The following OS9 variants were observed in gnomAD, a reference collection of about 807,000 sequenced individuals.
OS9 encodes the protein protein OS-9.
OS9 carries 58 observed loss-of-function variants against 84.7 expected under a neutral mutation model. The ratio of observed to expected loss-of-function variants is 0.68; its 90% CI spans 0.55 to 0.85. The LOEUF is 0.85. OS9 is among the 40% of genes least tolerant of loss of function. The pLI is 0.00. For synonymous variants in OS9, 278 were observed against 320.8 expected, an observed-to-expected ratio of 0.87 and a Z score of 1.43; for missense variants, 760 against 850.9, an observed-to-expected ratio of 0.89 and a Z score of 1.33.
rs1459899282 is a variant in OS9 at position 57,715,781 on chromosome 12, G to T, written c.601G>T (p.Gly201Cys). The stretch of plus-strand genomic sequence containing the variant: ...GCAGTTCCTCTGTGACGAGGGTGCA[G>T]GTATCTCTGGGGACTACATCGATCG... ...EVRFLCDEGA[G>C]ISGDYIDRVD... The change falls in exon 6 of 15, where the codon GGT (glycine) becomes TGT (cysteine). Residue 201 changes from glycine (G) to cysteine (C), a missense_variant. Gly to Cys is a radical substitution (Grantham distance 159). Coordinates refer to ENST00000315970, the MANE Select transcript of OS9 (RefSeq NM_006812.4). The T allele has an allele frequency of 6.2e-7, 1 of 1,610,648 alleles. No homozygotes were observed. The highest frequency in any genetic ancestry group is 1.1e-5 in the South Asian group (1 of 90,686).
At chr12:57,697,872 C>CACACACACACAG (rs1953895105) in intron 5 of OS9, among the ~76,000 whole-genome samples, 1 of 145,430 alleles carries the variant, frequency 6.9e-6, no homozygotes, top group South Asian at 2.2e-4. Context: ...AACACACACA[C>CACACACACACAG]ACACACACAC....
intron 5 of OS9, among the ~76,000 whole-genome samples, chr12:57,698,411 G>T (rs1953928712): frequency 6.6e-6 from 1 of 152,194 alleles, no homozygotes; most frequent in Non-Finnish European, 1.5e-5. Flanking sequence ...CATATGCCCT[G>T]TGCCAAGCAC....
chr12:57,702,797 A>C (rs1207689257), intron 5 of OS9, among the ~76,000 whole-genome samples: 2 of 151,972 alleles, frequency 1.3e-5, no homozygotes, highest in Non-Finnish European at 2.9e-5. Context: ...GTGAAGTAGT[A>C]TCTCATAGTG....
Position 57,696,352 on chromosome 12 carries a change from GC to G in OS9, c.562del (p.Arg188GlyfsTer33). 1 of 1,611,898 alleles carries G rather than the reference GC, an allele frequency of 6.2e-7. No homozygotes were observed. The highest frequency in any genetic ancestry group is 8.5e-7 in the Non-Finnish European group (1 of 1,178,814). On this transcript the variant is annotated frameshift_variant, in exon 5 of 15. Coordinates refer to ENST00000315970, the MANE Select transcript of OS9 (RefSeq NM_006812.4). LOFTEE classifies it high-confidence loss of function. ...GGTCCAAGTGCGACCTTAATGGGAG[GC>G]CCCGGGAGGCCGAGGTTCGGGTGAG... Reference protein sequence around the residue: ...NGSKCDLNGRPREAEVRFLCD... With the variant: ...NGSKCDLNGRXREAEVRFLCD...
intron 10 of OS9, 77 bp from the exon 11 acceptor site, chr12:57,718,069 C>A: frequency 1.3e-6 from 2 of 1,533,348 alleles, no homozygotes; most frequent in Non-Finnish European, 1.8e-6. Flanking sequence ...CACACACCTG[C>A]TACTGTTTGT....
Position 57,709,573 on chromosome 12 carries a change from C to A in OS9, c.580-6187C>A, listed in dbSNP as rs565517498. Among the ~76,000 whole-genome samples, 3 of 152,250 alleles carry A rather than the reference C, an allele frequency of 2.0e-5. No homozygotes were observed. In the South Asian group the frequency reaches 6.2e-4, roughly 32 times the overall value. On this transcript the variant is annotated intron_variant, in intron 5 of 14. Coordinates refer to ENST00000315970, the MANE Select transcript of OS9 (RefSeq NM_006812.4). ...TGTATGTTTGCGCTTGAAAGCATGT[C>A]TTTTCTCCAATTAAGCAGTTCAAGA...
At chr12:57,700,113 GA>G (rs1320133194) in intron 5 of OS9, among the ~76,000 whole-genome samples, 1 of 150,974 alleles carries the variant, frequency 6.6e-6, no homozygotes, top group Non-Finnish European at 1.5e-5. Flanking sequence ...AAAAAGAAAA[GA>G]AAAAAAGAAA....
At chr12:57,697,874 C>A (rs1341814488) in intron 5 of OS9, among the ~76,000 whole-genome samples, 1 of 145,606 alleles carries the variant, frequency 6.9e-6, no homozygotes, top group African/African-American at 2.5e-5. Flanking sequence ...CACACACACA[C>A]ACACACACAC....
intron 7 of OS9, 95 bp downstream of exon 7, chr12:57,716,288 G>C: frequency 1.4e-6 from 1 of 730,872 alleles, no homozygotes; most frequent in Non-Finnish European, 2.4e-6. Context: ...GTGGGGGGGG[G>C]TGGAAAAGTA....
Position 57,715,948 on chromosome 12 carries a change from G to C in OS9, c.768G>C (p.Met256Ile). 6.2e-7 allele frequency: 1 copy of C among 1,612,738 alleles called. No homozygotes were observed. Among genetic ancestry groups the C allele is most frequent in the Non-Finnish European group, 8.5e-7 (1 of 1,179,274 alleles). Reference sequence around the variant, plus strand: ...CTTCCCTACAGCCTGAGGAGTACATGGCCTACGTTCAGAGGCAAGCCGGTG... The same window carrying C: ...CTTCCCTACAGCCTGAGGAGTACATCGCCTACGTTCAGAGGCAAGCCGGTG... ...CHPSLQPEEY[M>I]AYVQRQADSK... The change falls in exon 6 of 15, where the codon ATG (methionine) becomes ATC (isoleucine). Residue 256 changes from methionine to isoleucine, a missense_variant. By Grantham distance (10) the Met-to-Ile change is conservative. Coordinates refer to ENST00000315970, the MANE Select transcript of OS9 (RefSeq NM_006812.4).
At chr12:57,697,520 G>A (rs146725826) in intron 5 of OS9, among the ~76,000 whole-genome samples, 3 of 152,286 alleles carry the variant, frequency 2.0e-5, no homozygotes, top group Non-Finnish European at 2.9e-5. Context: ...TGAGCAACTG[G>A]AATGATGGAA....
At chr12:57,711,038 CAAAAAAAAAAAAA>C (rs35365273) in intron 5 of OS9, among the ~76,000 whole-genome samples, 4 of 71,916 alleles carry the variant, frequency 5.6e-5, no homozygotes, top group Non-Finnish European at 1.0e-4. Context: ...GACTCCGTCT[CAAAAAAAAAAAAA>C]AAAAAAAAAA....
intron 8 of OS9, 73 bp downstream of exon 8, chr12:57,716,585 A>G: frequency 6.7e-7 from 1 of 1,481,822 alleles, no homozygotes; most frequent in Non-Finnish European, 9.4e-7. Context: ...TTGTGAGGTG[A>G]CCTACATCTA....
rs200345401 is a variant in OS9, at chr12:57,718,362, C to T, written c.1351C>T (p.Arg451Trp). 7.4e-6 allele frequency: 12 copies of T among 1,614,184 alleles called. No individual in the cohort carries two copies. In the East Asian group the frequency reaches 8.9e-5, roughly 12 times the overall value. ...EGILLPSDRD[R>W]LRSEVKAGME... ...GATCCTGCTTCCGTCAGACCGAGAC[C>T]GGCTCCGTTCGGAGGTGAAGGCTGG... Residue 451 changes from arginine (R) to tryptophan (W), a missense_variant, in exon 11 of 15, where the codon CGG (arginine) becomes TGG (tryptophan). Physicochemically the swap from Arg to Trp is moderately radical, Grantham distance 101 (BLOSUM62 -3). Coordinates refer to ENST00000315970, the MANE Select transcript of OS9 (RefSeq NM_006812.4).
chr12:57,721,359 T>G lies in OS9; in HGVS notation c.*450T>G. On this transcript the variant is annotated 3_prime_UTR_variant, in exon 15 of 15. Transcript: ENST00000315970. Reference sequence around the variant, plus strand: ...TTTTACCCTCTTCTATTGAATTGCCTTGGGATTTCCTTCTCCCTTTCCCTG... The same window carrying G: ...TTTTACCCTCTTCTATTGAATTGCCGTGGGATTTCCTTCTCCCTTTCCCTG... 6.0e-6 allele frequency: 1 copy of G among 165,708 alleles called. No individual in the cohort carries two copies. Among genetic ancestry groups the G allele is most frequent in the South Asian group, 1.4e-4 (1 of 6,950 alleles). 10.3% of individuals were successfully genotyped at this position (165,708 alleles called of 1,614,324 possible). A position where few individuals can be genotyped will look rare whatever the true frequency, so the allele number is the denominator to read the frequency against.
intron 2 of OS9, chr12:57,695,414 A>T: frequency 2.2e-6 from 1 of 444,778 alleles, no homozygotes; most frequent in South Asian, 1.9e-5. Flanking sequence ...AGTGCCAGGA[A>T]TGTTCAAGAA....
intron 13 of OS9, 67 bp downstream of exon 13, chr12:57,720,330 G>A (rs1954639020): frequency 6.2e-7 from 1 of 1,606,112 alleles, no homozygotes; most frequent in Admixed American, 1.7e-5. Context: ...TGGAGGGGCT[G>A]GGACCAGTGG....
chr12:57,698,841 A>G (rs147279660), intron 5 of OS9, among the ~76,000 whole-genome samples: 2 of 152,328 alleles, frequency 1.3e-5, no homozygotes, highest in African/African-American at 4.8e-5. Context: ...CTCTGTAGCT[A>G]TGATGAGGAA....
At chr12:57,706,846 GA>G (rs11423380) in intron 5 of OS9, among the ~76,000 whole-genome samples, 1,227 of 41,620 alleles carry the variant, frequency 0.029, 9 homozygotes, top group African/African-American at 0.076. Context: ...ATGACTCTCT[GA>G]AAAAAAAAAA....
Sources: gnomAD v4.1 joint callset for allele counts (sites outside exome capture counted in the v4.1 genomes callset) on GRCh38, gnomAD v4.1.1 for gene constraint, MANE v1.5 for transcripts, NCBI Gene and HGNC (gene_info 2026-07-23, HGNC 2026-07-21) for gene names.